Variants in CFAP70 observed in about 807,000 individuals in gnomAD.
CFAP70 encodes the protein cilia- and flagella-associated protein 70.
In CFAP70, 81 loss-of-function variants were observed where a neutral mutation model predicts 137.6. The ratio of observed to expected loss-of-function variants is 0.59; its 90% CI spans 0.49 to 0.71. CFAP70 has a LOEUF of 0.71. CFAP70 is among the 30% of genes least tolerant of loss of function. The pLI is 0.00. For missense variants in CFAP70, 976 were observed against 1,226.7 expected, an observed-to-expected ratio of 0.80 and a Z score of 3.05; for synonymous variants, 382 against 423.6, an observed-to-expected ratio of 0.90 and a Z score of 1.20.
Position 73,279,381 on chromosome 10 carries a change from G to A in CFAP70, c.2240-1044C>T, listed in dbSNP as rs994656887. Among the ~76,000 whole-genome samples, 5 of 151,342 alleles carry A rather than the reference G, an allele frequency of 3.3e-5. No homozygotes were observed. In the South Asian group the frequency reaches 6.3e-4, roughly 19 times the overall value. The stretch of plus-strand genomic sequence containing the variant: ...CTACTAAAAATACAAAAAATTAGCC[G>A]GGCCTGGTGGCGGGCGCCTGTAGTC... On this transcript the variant is annotated intron_variant, in intron 19 of 26. Transcript: ENST00000310715.
At chr10:73,285,459 T>C (rs947700808) in intron 19 of CFAP70, among the ~76,000 whole-genome samples, 1 of 152,120 alleles carries the variant, frequency 6.6e-6, no homozygotes, top group Admixed American at 6.5e-5. Context: ...CTGGCAATTA[T>C]TGACTGGGTC....
At chr10:73,350,678 ATTATT>A (rs1310466974) in intron 3 of CFAP70, among the ~76,000 whole-genome samples, 1 of 151,930 alleles carries the variant, frequency 6.6e-6, no homozygotes, top group African/African-American at 2.4e-5. Context: ...CCTCTCTCTG[ATTATT>A]TTAATTCCAT....
intron 9 of CFAP70, among the ~76,000 whole-genome samples, chr10:73,316,607 T>C (rs1345769787): frequency 1.3e-5 from 2 of 150,898 alleles, no homozygotes; most frequent in Non-Finnish European, 3.0e-5. Context: ...ATTTTCTTAG[T>C]GGTTACTTAG....
At chr10:73,308,337 T>C (rs997562863) in intron 12 of CFAP70, among the ~76,000 whole-genome samples, 4 of 151,724 alleles carry the variant, frequency 2.6e-5, no homozygotes, top group South Asian at 4.2e-4. Context: ...CTTTAAAAGA[T>C]TGAAATCATG....
intron 9 of CFAP70, among the ~76,000 whole-genome samples, chr10:73,320,459 G>A (rs897359055): frequency 2.0e-5 from 3 of 151,786 alleles, no homozygotes; most frequent in Non-Finnish European, 4.4e-5. Context: ...GAGTAGCTGG[G>A]ACTACAGGAA....
chr10:73,309,013 A>G (rs933332657), intron 12 of CFAP70, among the ~76,000 whole-genome samples: 1 of 152,190 alleles, frequency 6.6e-6, no homozygotes, highest in Admixed American at 6.5e-5. Context: ...CTAGCAGAAG[A>G]CATAATAAAA....
intron 19 of CFAP70, among the ~76,000 whole-genome samples, chr10:73,284,739 CATATATATATATATATATATATATATAT>C (rs539417737): frequency 0.011 from 296 of 27,492 alleles, 14 homozygotes; most frequent in Middle Eastern, 0.028. Context: ...TGACCTGCCA[CATATATATATATATATATATATATATAT>C]ATATATATAT....
intron 8 of CFAP70, 54 bp downstream of exon 9, chr10:73,331,123 G>C: frequency 1.6e-6 from 2 of 1,250,946 alleles, no homozygotes; most frequent in East Asian, 4.8e-5. Flanking sequence ...AGAATAACAG[G>C]TCGGGTCTGA....
At chr10:73,281,200 T>G (rs1299323884) in intron 19 of CFAP70, among the ~76,000 whole-genome samples, 2 of 152,104 alleles carry the variant, frequency 1.3e-5, no homozygotes, top group Non-Finnish European at 2.9e-5. Context: ...ATGTATTTAT[T>G]TATTGAGACA....
chr10:73,360,052 T>C (rs189445186), upstream of CFAP70, among the ~76,000 whole-genome samples: 12 of 152,318 alleles, frequency 7.9e-5, no homozygotes, highest in East Asian at 1.9e-3. Context: ...CTGTATAGCA[T>C]TCTGGACCAG....
chr10:73,261,286 CT>C (rs2045155212), intron 25 of CFAP70, among the ~76,000 whole-genome samples: 1 of 152,184 alleles, frequency 6.6e-6, no homozygotes, highest in South Asian at 2.1e-4. Flanking sequence ...GCCACCACCC[CT>C]GGCTAATCTT....
In CFAP70 at chr10:73,298,788, C is replaced by A. The variant is rs188156371; in HGVS notation, c.1512+119G>T. ...CTATCATAGAGAACTTAGCTCTTTG[C>A]CCCACCAAGAAAGGTAAGAGTATAG... On this transcript the variant is annotated intron_variant, in intron 14 of 26. Coordinates refer to ENST00000310715, the Ensembl canonical transcript of CFAP70. 1.1e-5 allele frequency: 9 copies of A among 837,854 alleles called. No homozygotes were observed. In the East Asian group the frequency reaches 2.4e-4, roughly 22 times the overall value. The allele number at this position is 837,854 out of a possible 1,614,324, so 51.9% of individuals were successfully genotyped here.
At chr10:73,328,528 A>G (rs1051919247) in intron 8 of CFAP70, among the ~76,000 whole-genome samples, 1 of 148,490 alleles carries the variant, frequency 6.7e-6, no homozygotes, top group Non-Finnish European at 1.5e-5. Flanking sequence ...ACAGCAAAAG[A>G]AACTACCATC....
intron 8 of CFAP70, among the ~76,000 whole-genome samples, chr10:73,328,759 T>A (rs1313155933): frequency 1.3e-5 from 2 of 150,282 alleles, no homozygotes; most frequent in African/African-American, 2.5e-5. Context: ...TCACTGGCCA[T>A]CAGAGAAATG....
At chr10:73,330,464 A>G (rs2132294470) in intron 8 of CFAP70, among the ~76,000 whole-genome samples, 1 of 152,018 alleles carries the variant, frequency 6.6e-6, no homozygotes, top group Non-Finnish European at 1.5e-5. Flanking sequence ...AAAAAAAAAA[A>G]AAAGTCCTAT....
At chr10:73,256,839 G>C (rs1381886150) in intron 25 of CFAP70, among the ~76,000 whole-genome samples, 59 of 146,688 alleles carry the variant, frequency 4.0e-4, no homozygotes, top group Non-Finnish European at 7.9e-4. Flanking sequence ...GGAGGCAGAG[G>C]TTGCAGTGAG....
intron 19 of CFAP70, among the ~76,000 whole-genome samples, chr10:73,283,356 T>C (rs2047405909): frequency 6.6e-6 from 1 of 152,230 alleles, no homozygotes. Context: ...CACTGGTTAA[T>C]GGTGCTGTTC....
At chr10:73,307,359 C>T (rs2049469497) in intron 12 of CFAP70, among the ~76,000 whole-genome samples, 1 of 152,126 alleles carries the variant, frequency 6.6e-6, no homozygotes, top group African/African-American at 2.4e-5. Context: ...AAATCCTTCT[C>T]TATCAGTAAT....
At position 73,253,815 on chromosome 10, in the gene CFAP70, G is replaced by A. The variant is rs1589213958; in HGVS notation, c.*160C>T. On this transcript the variant is annotated 3_prime_UTR_variant, in exon 27 of 27. Transcript: ENST00000310715. ...TTGTGACCCAGTTTCTCGTCAACCAGTAAAACATCCAGTAACACAGCCAAT... is the reference window on the plus strand; with the variant it reads ...TTGTGACCCAGTTTCTCGTCAACCAATAAAACATCCAGTAACACAGCCAAT... 1.2e-5 allele frequency: 6 copies of A among 519,466 alleles called. No homozygotes were observed. The East Asian group carries it at 1.2e-4, about 11-fold the overall frequency. 32.2% of individuals were successfully genotyped at this position (519,466 alleles called of 1,614,324 possible).
Sources: allele counts gnomAD v4.1 joint callset (sites outside exome capture counted in the v4.1 genomes callset), GRCh38; gene constraint gnomAD v4.1.1; transcripts MANE v1.5; gene names NCBI Gene and HGNC (gene_info 2026-07-23, HGNC 2026-07-21).